SAMD12: variants seen among roughly 807,000 people sequenced by gnomAD.
The protein encoded by SAMD12 is sterile alpha motif domain containing 12, also known as sterile alpha motif domain-containing protein 12.
Under a neutral mutation model 15.0 loss-of-function variants are expected in SAMD12, and 9 were observed. The observed-to-expected ratio is 0.60, with a 90% CI of 0.36 to 1.05. SAMD12 has a LOEUF of 1.05. SAMD12 is among the 50% of genes least tolerant of loss of function. SAMD12 has a pLI of 0.01. For synonymous variants in SAMD12, 86 were observed against 90.1 expected, an observed-to-expected ratio of 0.96 and a Z score of 0.25; for missense variants, 230 against 234.2, an observed-to-expected ratio of 0.98 and a Z score of 0.12.
At chr8:118,235,697 T>C (rs1323762280) in intron 4 of SAMD12, among the ~76,000 whole-genome samples, 1 of 152,154 alleles carries the variant, frequency 6.6e-6, no homozygotes, top group Non-Finnish European at 1.5e-5. Flanking sequence ...GAGATCATAT[T>C]TGAAGAGTGG....
chr8:118,445,777 T>TGATA (rs1822894163), intron 2 of SAMD12, among the ~76,000 whole-genome samples: 1 of 152,214 alleles, frequency 6.6e-6, no homozygotes. Flanking sequence ...TAATCTCTTC[T>TGATA]GATAGTATAA....
At chr8:118,470,854 A>G (rs1405055984) in intron 2 of SAMD12, among the ~76,000 whole-genome samples, 1 of 152,234 alleles carries the variant, frequency 6.6e-6, no homozygotes, top group African/African-American at 2.4e-5. Context: ...AGGAAAAATT[A>G]AAGAGATCTG....
At chr8:118,177,856 G>A in the SAMD12 span, among the ~76,000 whole-genome samples, 2 of 152,236 alleles carry the variant, frequency 1.3e-5, no homozygotes, top group East Asian at 1.9e-4. Flanking sequence ...AGTTGGGCAA[G>A]TGTGTGGTAG....
intron 2 of SAMD12, among the ~76,000 whole-genome samples, chr8:118,525,103 A>G (rs902913411): frequency 1.8e-4 from 27 of 151,812 alleles, no homozygotes. Flanking sequence ...CTCCTATGCC[A>G]CTCTTCTCAT....
intron 4 of SAMD12, among the ~76,000 whole-genome samples, chr8:118,306,472 C>T (rs184760864): frequency 6.6e-6 from 1 of 152,280 alleles, no homozygotes; most frequent in African/African-American, 2.4e-5. Flanking sequence ...ACCCTCTGTA[C>T]TTCTTCCCCT....
At chr8:118,307,771 C>T (rs1009777268) in intron 4 of SAMD12, among the ~76,000 whole-genome samples, 8 of 150,336 alleles carry the variant, frequency 5.3e-5, no homozygotes, top group African/African-American at 1.0e-4. Context: ...ACTTGTTCAT[C>T]GTGCTTTGCG....
chr8:118,454,017 TTGCTGCCCTGGATAGATGGA>T (rs1157071507), intron 2 of SAMD12, among the ~76,000 whole-genome samples: 11 of 152,292 alleles, frequency 7.2e-5, no homozygotes, highest in African/African-American at 2.4e-4. Context: ...TTTTCCTCCA[TTGCTGCCCTGGATAGATGGA>T]TGGATGGATA....
the SAMD12 span, among the ~76,000 whole-genome samples, chr8:118,166,833 C>T: frequency 1.3e-5 from 2 of 152,298 alleles, no homozygotes; most frequent in African/African-American, 4.8e-5. Flanking sequence ...GACTTAAGAC[C>T]TCAGCTTCCT....
chr8:118,406,965 G>T (rs1821163626), intron 3 of SAMD12, among the ~76,000 whole-genome samples: 1 of 150,132 alleles, frequency 6.7e-6, no homozygotes, highest in African/African-American at 2.5e-5. Flanking sequence ...GGACATTTGG[G>T]TTACTTTTAC....
chr8:118,562,488 T>G (rs886108969), intron 2 of SAMD12, among the ~76,000 whole-genome samples: 1 of 151,978 alleles, frequency 6.6e-6, no homozygotes, highest in African/African-American at 2.4e-5. Context: ...TACAGCAGCA[T>G]CTCATAGACG....
chr8:118,554,013 C>T (rs1199508373), intron 2 of SAMD12, among the ~76,000 whole-genome samples: 1 of 152,054 alleles, frequency 6.6e-6, no homozygotes, highest in African/African-American at 2.4e-5. Flanking sequence ...GAATGGCAAT[C>T]ATTAAAAAGT....
intron 2 of SAMD12, among the ~76,000 whole-genome samples, chr8:118,535,296 C>T (rs929743585): frequency 6.6e-5 from 10 of 152,318 alleles, no homozygotes; most frequent in African/African-American, 2.2e-4. Context: ...GCTGCCTGAT[C>T]GTTCCTCTGG....
intron 2 of SAMD12, among the ~76,000 whole-genome samples, chr8:118,578,532 C>G (rs769108507): frequency 1.3e-5 from 2 of 152,178 alleles, no homozygotes; most frequent in Non-Finnish European, 2.9e-5. Flanking sequence ...GCCAATTTAC[C>G]GGAGATTCAA....
chr8:118,408,483 G>A (rs7004302), intron 3 of SAMD12, among the ~76,000 whole-genome samples: 51,961 of 151,770 alleles, frequency 0.34, 9,502 homozygotes, highest in African/African-American at 0.41. Flanking sequence ...GGTCGGAGGT[G>A]GACAGAATAG....
At chr8:118,600,346 A>G (rs927045637) in intron 1 of SAMD12, among the ~76,000 whole-genome samples, 1 of 152,122 alleles carries the variant, frequency 6.6e-6, no homozygotes, top group African/African-American at 2.4e-5. Context: ...ATGAAGGCCT[A>G]AATTAGGACA....
intron 3 of SAMD12, among the ~76,000 whole-genome samples, chr8:118,406,890 TTG>T (rs3052708): frequency 0.27 from 39,194 of 147,210 alleles, 5,220 homozygotes; most frequent in East Asian, 0.38. Context: ...CAATATTCCA[TTG>T]TGTGTGTGTG....
At chr8:118,171,631 A>G in the SAMD12 span, among the ~76,000 whole-genome samples, 2,662 of 152,252 alleles carry the variant, frequency 0.017, 67 homozygotes, top group African/African-American at 0.052. Context: ...TCTGGGATAG[A>G]CAGATCTACA....
intron 1 of SAMD12, among the ~76,000 whole-genome samples, chr8:118,604,346 T>C (rs942510136): frequency 1.3e-5 from 2 of 152,238 alleles, no homozygotes; most frequent in Non-Finnish European, 2.9e-5. Flanking sequence ...GTATATAAGA[T>C]GTTTTATTGC....
chr8:118,141,825 C>T, the SAMD12 span, among the ~76,000 whole-genome samples: 1 of 152,200 alleles, frequency 6.6e-6, no homozygotes, highest in Non-Finnish European at 1.5e-5. Context: ...ACATTTAAAT[C>T]TTCAGAACCA....
Sources: allele counts gnomAD v4.1 joint callset (sites outside exome capture counted in the v4.1 genomes callset), GRCh38; gene constraint gnomAD v4.1.1; transcripts MANE v1.5; gene names NCBI Gene and HGNC (gene_info 2026-07-23, HGNC 2026-07-21).